Variants in PRDM5 observed in about 807,000 individuals in gnomAD.
PRDM5 encodes PR/SET domain 5.
Under a neutral mutation model 81.2 loss-of-function variants are expected in PRDM5, and 56 were observed. The observed-to-expected ratio is 0.69, with a 90% confidence interval of 0.56 to 0.86. The LOEUF (loss-of-function observed/expected upper bound fraction) is 0.86. PRDM5 is among the 40% of genes least tolerant of loss of function. The pLI, the probability that PRDM5 is intolerant of heterozygous loss-of-function variation, is 0.00. For synonymous variants in PRDM5, 267 were observed against 256.4 expected (o/e 1.04, Z -0.39); for missense variants, 697 against 770.1 (o/e 0.91, Z 1.12).
intron 3 of PRDM5, among the ~76,000 whole-genome samples, chr4:120,852,034 T>C (rs1337358556): frequency 1.3e-5 from 2 of 152,166 alleles, no homozygotes; most frequent in African/African-American, 4.8e-5. Flanking sequence ...GAATTTAATG[T>C]TTCCTTATTC....
chr4:120,755,039 C>A lies in PRDM5; in HGVS notation c.1538-401G>T, dbSNP rs372212143. 9.9e-5 allele frequency among the ~76,000 whole-genome samples: 15 copies of A among 152,228 alleles called. No homozygotes were observed. In the East Asian group the frequency reaches 1.2e-3, roughly 12 times the overall value. On this transcript the variant is annotated intron_variant, in intron 13 of 15. Coordinates refer to ENST00000264808, the MANE Select transcript of PRDM5 (RefSeq NM_018699.4). Reference sequence around the variant, plus strand: ...AATTATTTAACTGATTCATTGACACCTTGTTCTGTTTAATTTTTTTGTTTC... The same window carrying A: ...AATTATTTAACTGATTCATTGACACATTGTTCTGTTTAATTTTTTTGTTTC...
chr4:120,905,266 C>T (rs1252457068), intron 2 of PRDM5, among the ~76,000 whole-genome samples: 1 of 152,132 alleles, frequency 6.6e-6, no homozygotes, highest in Non-Finnish European at 1.5e-5. Context: ...CCAGCAGTTT[C>T]AACAATACGG....
At chr4:120,873,789 G>A (rs1762084165) in intron 2 of PRDM5, among the ~76,000 whole-genome samples, 1 of 152,110 alleles carries the variant, frequency 6.6e-6, no homozygotes, top group Non-Finnish European at 1.5e-5. Flanking sequence ...TATTTGCCAT[G>A]ATTTCTCAAA....
intron 13 of PRDM5, among the ~76,000 whole-genome samples, chr4:120,773,757 T>C (rs11733915): frequency 0.2 from 30,190 of 152,146 alleles, 3,665 homozygotes; most frequent in Non-Finnish European, 0.28. Flanking sequence ...TAAAATACTT[T>C]CCCCTTCTAA....
chr4:120,706,913 G>A (rs1341095439), intron 15 of PRDM5, among the ~76,000 whole-genome samples: 1 of 151,536 alleles, frequency 6.6e-6, no homozygotes, highest in African/African-American at 2.4e-5. Context: ...CAATAAAGAG[G>A]TTGAATCAAA....
intron 3 of PRDM5, among the ~76,000 whole-genome samples, chr4:120,847,771 T>A (rs1180012536): frequency 6.6e-6 from 1 of 152,190 alleles, no homozygotes; most frequent in Non-Finnish European, 1.5e-5. Flanking sequence ...AGTCATACTC[T>A]AATAAACGTG....
chr4:120,907,141 C>G (rs1038744363), intron 2 of PRDM5, among the ~76,000 whole-genome samples: 2 of 151,910 alleles, frequency 1.3e-5, no homozygotes, highest in East Asian at 3.9e-4. Flanking sequence ...TCAAGACCAG[C>G]CTGGCCAATG....
chr4:120,825,848 A>T (rs530376467), intron 3 of PRDM5, among the ~76,000 whole-genome samples: 5 of 149,038 alleles, frequency 3.4e-5, no homozygotes, highest in Admixed American at 6.7e-5. Context: ...GATACCAATC[A>T]ATTGTCTGAA....
At chr4:120,833,752 T>C (rs1561427979) in intron 3 of PRDM5, among the ~76,000 whole-genome samples, 1 of 152,108 alleles carries the variant, frequency 6.6e-6, no homozygotes, top group South Asian at 2.1e-4. Flanking sequence ...CTTGGTACTA[T>C]CCAGTTTCAG....
rs1470641001 is a variant in PRDM5, at chr4:120,754,622, T to C, written c.1554A>G (p.Gln518=). 2 of 1,599,586 alleles carry C rather than the reference T, an allele frequency of 1.3e-6. No individual in the cohort carries two copies. The highest frequency in any genetic ancestry group is 3.3e-5 in the Admixed American group (2 of 59,994). ...TGAATCCTTTTTCACAGTAAGGACA[T>C]TGATAGGGACGCTCACCTACAAATA... ...IRSHTGERPY[Q]CPYCEKGFSK... Residue 518 remains glutamine, a synonymous_variant, in exon 14 of 16, where the codon CAA becomes CAG. Transcript: ENST00000264808.
chr4:120,709,989 C>T (rs1205797295), intron 15 of PRDM5, among the ~76,000 whole-genome samples: 2 of 152,134 alleles, frequency 1.3e-5, no homozygotes, highest in African/African-American at 4.8e-5. Flanking sequence ...TGGCCAGACA[C>T]ATGAAAGCTG....
At chr4:120,698,071 T>G (rs1734787341) in intron 15 of PRDM5, among the ~76,000 whole-genome samples, 1 of 152,160 alleles carries the variant, frequency 6.6e-6, no homozygotes, top group South Asian at 2.1e-4. Context: ...TCCTCATTCT[T>G]CTCTAATTAA....
chr4:120,833,951 G>C (rs1757032871), intron 3 of PRDM5, among the ~76,000 whole-genome samples: 1 of 152,034 alleles, frequency 6.6e-6, no homozygotes, highest in Non-Finnish European at 1.5e-5. Flanking sequence ...GTAGGGAATG[G>C]GCTCATTAAA....
At chr4:120,786,007 T>G (rs889670796) in intron 10 of PRDM5, among the ~76,000 whole-genome samples, 1 of 152,132 alleles carries the variant, frequency 6.6e-6, no homozygotes, top group Non-Finnish European at 1.5e-5. Context: ...CTTATTCTAC[T>G]ATAGATGGCA....
chr4:120,790,034 T>C (rs1750343667), intron 10 of PRDM5, among the ~76,000 whole-genome samples: 1 of 152,066 alleles, frequency 6.6e-6, no homozygotes, highest in East Asian at 1.9e-4. Context: ...CCACAGATTT[T>C]CAGATGAAGT....
intron 9 of PRDM5, among the ~76,000 whole-genome samples, chr4:120,799,030 T>C (rs1234868528): frequency 6.6e-6 from 1 of 152,194 alleles, no homozygotes; most frequent in East Asian, 1.9e-4. Context: ...TTCAAAAACA[T>C]TCTGACTTCA....
At chr4:120,888,613 A>G (rs775331079) in intron 2 of PRDM5, among the ~76,000 whole-genome samples, 1 of 152,202 alleles carries the variant, frequency 6.6e-6, no homozygotes, top group Non-Finnish European at 1.5e-5. Context: ...GTTCTAGTTA[A>G]TATCTGTCTA....
chr4:120,781,719 G>A (rs1749064516), intron 11 of PRDM5, among the ~76,000 whole-genome samples: 1 of 152,278 alleles, frequency 6.6e-6, no homozygotes, highest in South Asian at 2.1e-4. Context: ...ATAACCTCCT[G>A]TGAATAGATA....
intron 2 of PRDM5, among the ~76,000 whole-genome samples, chr4:120,876,411 CCTAT>C (rs1435454764): frequency 6.6e-6 from 1 of 152,190 alleles, no homozygotes; most frequent in East Asian, 1.9e-4. Flanking sequence ...TTATTAGATG[CCTAT>C]CTTTTATTTT....
Sources: gnomAD v4.1 joint callset for allele counts (sites outside exome capture counted in the v4.1 genomes callset) on GRCh38, gnomAD v4.1.1 for gene constraint, MANE v1.5 for transcripts, NCBI Gene and HGNC (gene_info 2026-07-23, HGNC 2026-07-21) for gene names.